DOCK10: variants seen among roughly 807,000 people sequenced by gnomAD.
The protein encoded by DOCK10 is dedicator of cytokinesis 10.
A neutral mutation model predicts 280.1 loss-of-function variants in DOCK10; 145 were observed. That is an observed-to-expected ratio of 0.52 (90% CI 0.45 to 0.59). The LOEUF is 0.59. Ranked by LOEUF, DOCK10 falls within the 20% of genes least tolerant of loss-of-function variation. The pLI, the probability that DOCK10 is intolerant of heterozygous loss-of-function variation, is 0.00. For missense variants in DOCK10, 2,368 were observed against 2,651.7 expected (o/e 0.89, Z 2.35); for synonymous variants, 915 against 942.2 (o/e 0.97, Z 0.53).
chr2:224,805,472 G>T lies in DOCK10; in HGVS notation c.3872C>A (p.Ala1291Glu). 1 of 1,612,696 alleles carries T rather than the reference G, an allele frequency of 6.2e-7. No individual in the cohort carries two copies. Among genetic ancestry groups the T allele is most frequent in the East Asian group, 2.2e-5 (1 of 44,846 alleles). ...GGTACTTGGATTGGAGTCAAGACTT[G>T]CTAAAGATGCTCTGGAGTCAGCATG... The part of the protein sequence containing the change: ...VNHADSRASL[A>E]SLDSNPSTNE... Residue 1291 changes from alanine to glutamate, a missense_variant, in exon 35 of 56, where the codon GCA becomes GAA. Coordinates refer to ENST00000258390, the MANE Select transcript of DOCK10 (RefSeq NM_014689.3). The surrounding 1 kb of genome is among the most constrained non-coding windows in gnomAD (Gnocchi z 4.3).
chr2:225,011,809 G>A (rs760736265), intron 1 of DOCK10, among the ~76,000 whole-genome samples: 26 of 152,104 alleles, frequency 1.7e-4, no homozygotes, highest in Non-Finnish European at 2.5e-4. Context: ...CTGCAAGAAC[G>A]GTCTAGCTGC....
intron 11 of DOCK10, among the ~76,000 whole-genome samples, chr2:224,869,109 G>T (rs1412798917): frequency 6.6e-6 from 1 of 151,924 alleles, no homozygotes; most frequent in Non-Finnish European, 1.5e-5. Context: ...TAATTCATAG[G>T]TTTCTTGTGT....
intron 2 of DOCK10, among the ~76,000 whole-genome samples, chr2:224,920,209 C>T (rs1443391506): frequency 6.6e-6 from 1 of 150,462 alleles, no homozygotes; most frequent in Admixed American, 6.6e-5. Context: ...ACTACAGGTG[C>T]GCACCACTAT....
chr2:224,973,927 C>G (rs1705243994), intron 1 of DOCK10, among the ~76,000 whole-genome samples: 1 of 152,118 alleles, frequency 6.6e-6, no homozygotes, highest in African/African-American at 2.4e-5. Context: ...TTTCTGGGTA[C>G]AGAGGTTTTT....
chr2:225,032,548 T>G (rs1183552882), intron 1 of DOCK10, among the ~76,000 whole-genome samples: 5 of 152,216 alleles, frequency 3.3e-5, no homozygotes, highest in Non-Finnish European at 2.9e-5. Context: ...AAACTTCCTT[T>G]GAATGTGTCC....
At chr2:224,957,414 C>T (rs75001610) in intron 1 of DOCK10, among the ~76,000 whole-genome samples, 4,394 of 152,110 alleles carry the variant, frequency 0.029, 96 homozygotes, top group Non-Finnish European at 0.045. Flanking sequence ...CCTCAGCCTG[C>T]TGAGTAGCTG....
chr2:224,930,329 C>T (rs1171220239), intron 2 of DOCK10, among the ~76,000 whole-genome samples: 1 of 151,920 alleles, frequency 6.6e-6, no homozygotes. Flanking sequence ...TAACTTTATG[C>T]TTGCAGTTCA....
chr2:225,025,608 C>G (rs1689899784), intron 1 of DOCK10, among the ~76,000 whole-genome samples: 1 of 152,086 alleles, frequency 6.6e-6, no homozygotes, highest in Non-Finnish European at 1.5e-5. Flanking sequence ...TCATGAAAGG[C>G]AATAATTAAA....
At chr2:224,843,098 A>G (rs1696081992) in intron 22 of DOCK10, among the ~76,000 whole-genome samples, 1 of 152,104 alleles carries the variant, frequency 6.6e-6, no homozygotes, top group South Asian at 2.1e-4. Flanking sequence ...GGGGAGTGCA[A>G]TTACTCCCCA....
intron 1 of DOCK10, among the ~76,000 whole-genome samples, chr2:225,038,153 TTATA>T (rs1044942805): frequency 6.6e-6 from 1 of 152,202 alleles, no homozygotes; most frequent in Admixed American, 6.5e-5. Flanking sequence ...AACCAGGCCC[TTATA>T]TTGCATATTG....
intron 1 of DOCK10, among the ~76,000 whole-genome samples, chr2:224,988,432 A>C (rs1706031790): frequency 6.6e-6 from 1 of 152,198 alleles, no homozygotes; most frequent in Admixed American, 6.5e-5. Context: ...GCCATGTGCC[A>C]GGCACAGTGC....
chr2:224,870,417 T>G (rs1170146741), intron 11 of DOCK10, among the ~76,000 whole-genome samples: 3 of 152,220 alleles, frequency 2.0e-5, no homozygotes, highest in Non-Finnish European at 4.4e-5. Context: ...TTTGTTTTTA[T>G]TTTAAAATCC....
chr2:224,784,301 A>T (rs1018580991), intron 50 of DOCK10, among the ~76,000 whole-genome samples: 1 of 152,328 alleles, frequency 6.6e-6, no homozygotes, highest in East Asian at 1.9e-4. Context: ...GGAGGTGCTT[A>T]CCAATAACCA....
At chr2:224,874,229 T>A in intron 10 of DOCK10, 37 bp downstream of exon 10, 2 of 1,602,092 alleles carry the variant, frequency 1.2e-6, no homozygotes, top group Non-Finnish European at 1.7e-6. Flanking sequence ...ACTGTATGGA[T>A]CAAGTTCATA....
At chr2:224,973,258 C>G (rs923280824) in intron 1 of DOCK10, among the ~76,000 whole-genome samples, 1 of 152,160 alleles carries the variant, frequency 6.6e-6, no homozygotes, top group Non-Finnish European at 1.5e-5. Context: ...CCCTTAACAA[C>G]GTACATGTCC....
chr2:224,845,152 C>T, intron 21 of DOCK10, 51 bp downstream of exon 21: 1 of 1,519,968 alleles, frequency 6.6e-7, no homozygotes. Context: ...AATCTTATGC[C>T]ATTAAGCTGG....
chr2:224,775,797 G>A (rs1162329761), intron 51 of DOCK10, among the ~76,000 whole-genome samples: 1 of 152,180 alleles, frequency 6.6e-6, no homozygotes, highest in African/African-American at 2.4e-5. Flanking sequence ...CTTCTTGAGA[G>A]TAATTCAAAT....
intron 40 of DOCK10, among the ~76,000 whole-genome samples, chr2:224,800,810 G>A (rs1692932026): frequency 6.6e-6 from 1 of 152,134 alleles, no homozygotes; most frequent in Admixed American, 6.6e-5. Context: ...AGGAAACCCT[G>A]AGAACATGTG....
chr2:224,910,715 T>G (rs779845915), intron 3 of DOCK10, among the ~76,000 whole-genome samples: 1 of 152,220 alleles, frequency 6.6e-6, no homozygotes, highest in African/African-American at 2.4e-5. Context: ...CATTTCCCAG[T>G]CTTAGCTCAG....
Sources: gnomAD v4.1 joint callset for allele counts (sites outside exome capture counted in the v4.1 genomes callset) on GRCh38, gnomAD v4.1.1 for gene constraint, Gnocchi (gnomAD v3.1) non-coding constraint, MANE v1.5 for transcripts, NCBI Gene and HGNC (gene_info 2026-07-23, HGNC 2026-07-21) for gene names.